CDH8: variants seen among roughly 807,000 people sequenced by gnomAD.
CDH8 encodes cadherin-8.
A neutral mutation model predicts 68.1 loss-of-function variants in CDH8; 17 were observed. The ratio of observed to expected loss-of-function variants is 0.25; its 90% CI spans 0.17 to 0.37. CDH8 has a LOEUF of 0.37. Ranked by LOEUF, CDH8 falls within the 10% of genes least tolerant of loss-of-function variation. CDH8 has a pLI of 1.00. For synonymous variants in CDH8, 372 were observed against 365.1 expected (o/e 1.02, Z -0.21); for missense variants, 763 against 999.3 (o/e 0.76, Z 3.19).
chr16:61,861,044 A>T (rs1446450896), intron 3 of CDH8, among the ~76,000 whole-genome samples: 1 of 152,176 alleles, frequency 6.6e-6, no homozygotes, highest in African/African-American at 2.4e-5. Flanking sequence ...ACAAAATAAT[A>T]TATGTAGGTA....
At chr16:61,674,380 G>A (rs1001351896) in intron 10 of CDH8, among the ~76,000 whole-genome samples, 2 of 151,662 alleles carry the variant, frequency 1.3e-5, no homozygotes, top group African/African-American at 4.8e-5. Context: ...CTTGAACCTG[G>A]GAGGCAGAGG....
At position 61,647,958 on chromosome 16, in the gene CDH8, A is replaced by C; in HGVS notation, c.*5650T>G. 1.5e-6 allele frequency: 1 copy of C among 658,586 alleles called. No individual in the cohort carries two copies. The highest frequency in any genetic ancestry group is 1.7e-5 in the South Asian group (1 of 60,192). 40.8% of individuals were successfully genotyped at this position (658,586 alleles called of 1,614,324 possible). ...CTTGCAAGAAATAATACTTGCATTC[A>C]AGATGTGAATTAGATGGTGGCAGGT... is the stretch of plus-strand genomic sequence containing the variant. On this transcript the variant is annotated 3_prime_UTR_variant, in exon 12 of 12. Coordinates refer to ENST00000577390, the MANE Select transcript of CDH8 (RefSeq NM_001796.5).
At chr16:61,663,462 T>C (rs1044801523) in intron 10 of CDH8, among the ~76,000 whole-genome samples, 4 of 152,008 alleles carry the variant, frequency 2.6e-5, no homozygotes, top group African/African-American at 9.7e-5. Flanking sequence ...TAGATACTGT[T>C]AAATAAAATG....
At chr16:61,694,319 A>G (rs1196260067) in intron 10 of CDH8, among the ~76,000 whole-genome samples, 1 of 152,198 alleles carries the variant, frequency 6.6e-6, no homozygotes, top group Non-Finnish European at 1.5e-5. Flanking sequence ...AGTGAGTTCT[A>G]TTATGAGCAA....
intron 2 of CDH8, among the ~76,000 whole-genome samples, chr16:62,011,333 GA>G: frequency 6.6e-6 from 1 of 152,126 alleles, no homozygotes; most frequent in Non-Finnish European, 1.5e-5. Context: ...CTGGTGGTAG[GA>G]GCACGGGTGC....
At chr16:61,733,784 C>A (rs1358681566) in intron 8 of CDH8, among the ~76,000 whole-genome samples, 8 of 151,772 alleles carry the variant, frequency 5.3e-5, no homozygotes, top group African/African-American at 1.9e-4. Context: ...CTAAAACATT[C>A]TTTTCAAAAT....
intron 2 of CDH8, among the ~76,000 whole-genome samples, chr16:61,981,314 A>G (rs1449523772): frequency 6.6e-6 from 1 of 152,200 alleles, no homozygotes; most frequent in Non-Finnish European, 1.5e-5. Context: ...GCCTTTATTA[A>G]GTAGGCTTGT....
chr16:61,797,604 A>G (rs2142996060), intron 7 of CDH8, among the ~76,000 whole-genome samples: 1 of 152,280 alleles, frequency 6.6e-6, no homozygotes, highest in Admixed American at 6.5e-5. Flanking sequence ...AGGTTAAGGT[A>G]TGCCCCAAAT....
intron 2 of CDH8, among the ~76,000 whole-genome samples, chr16:61,995,219 A>G (rs1291092239): frequency 1.3e-5 from 2 of 152,208 alleles, no homozygotes; most frequent in Non-Finnish European, 2.9e-5. Context: ...ACATCTCAGG[A>G]CTGGACTGAC....
intron 2 of CDH8, among the ~76,000 whole-genome samples, chr16:62,007,462 A>G (rs1965995893): frequency 6.6e-6 from 1 of 152,216 alleles, no homozygotes; most frequent in African/African-American, 2.4e-5. Context: ...TGGTCTCTGA[A>G]AATTCAAGAA....
At chr16:61,698,686 C>T (rs1167715134) in intron 10 of CDH8, among the ~76,000 whole-genome samples, 1 of 152,184 alleles carries the variant, frequency 6.6e-6, no homozygotes, top group East Asian at 1.9e-4. Context: ...CAGGAATTAA[C>T]CAGTAAATTG....
At chr16:61,658,654 T>A (rs1232007590) in intron 10 of CDH8, among the ~76,000 whole-genome samples, 1 of 152,104 alleles carries the variant, frequency 6.6e-6, no homozygotes, top group Admixed American at 6.5e-5. Context: ...ATCATAAATC[T>A]TGGTGTTGGT....
chr16:61,745,786 C>T (rs1028669547), intron 8 of CDH8, among the ~76,000 whole-genome samples: 2 of 151,822 alleles, frequency 1.3e-5, no homozygotes, highest in African/African-American at 4.8e-5. Context: ...TATATATATT[C>T]TTAGTTGGAA....
At chr16:61,682,017 A>G (rs1178657605) in intron 10 of CDH8, among the ~76,000 whole-genome samples, 1 of 151,928 alleles carries the variant, frequency 6.6e-6, no homozygotes. Context: ...AGCCCCTGAG[A>G]TATTTCACAT....
rs368100936 is a variant in CDH8 at position 61,977,715 on chromosome 16, C to G, written c.252+43437G>C. On this transcript the variant is annotated intron_variant, in intron 2 of 11. Transcript: ENST00000577390. Reference sequence around the variant, plus strand: ...GGGAAGAATATTATTTAAGATCACGCCTGCCCATAGCATTCCCATAAGACA... The same window carrying G: ...GGGAAGAATATTATTTAAGATCACGGCTGCCCATAGCATTCCCATAAGACA... Among the ~76,000 whole-genome samples, 4 of 152,246 alleles carry G rather than the reference C, an allele frequency of 2.6e-5. 1 individual carries two copies.
intron 4 of CDH8, among the ~76,000 whole-genome samples, chr16:61,830,546 A>T (rs1962433330): frequency 6.6e-6 from 1 of 151,830 alleles, no homozygotes. Context: ...GCTACGTTAA[A>T]TAACATCCCG....
intron 8 of CDH8, among the ~76,000 whole-genome samples, chr16:61,737,293 A>C (rs1388188155): frequency 6.6e-6 from 1 of 152,192 alleles, no homozygotes; most frequent in Non-Finnish European, 1.5e-5. Flanking sequence ...GTGGGGCACA[A>C]TAAATAATTC....
At chr16:61,840,504 T>C (rs1479010793) in intron 4 of CDH8, among the ~76,000 whole-genome samples, 2 of 152,190 alleles carry the variant, frequency 1.3e-5, no homozygotes, top group Non-Finnish European at 2.9e-5. Context: ...TGGCACATAA[T>C]AGTCTCTCAG....
At chr16:62,004,475 T>C (rs935472558) in intron 2 of CDH8, among the ~76,000 whole-genome samples, 5 of 152,272 alleles carry the variant, frequency 3.3e-5, no homozygotes, top group South Asian at 2.1e-4. Flanking sequence ...GGATATTGCA[T>C]AGAAGCTCTT....
Sources: allele counts gnomAD v4.1 joint callset (sites outside exome capture counted in the v4.1 genomes callset), GRCh38; gene constraint gnomAD v4.1.1; transcripts MANE v1.5; gene names NCBI Gene and HGNC (gene_info 2026-07-23, HGNC 2026-07-21).